The following IDE variants were observed in gnomAD, a reference collection of about 807,000 sequenced individuals.
The protein encoded by IDE is insulin-degrading enzyme.
Under a neutral mutation model 133.2 loss-of-function variants are expected in IDE, and 58 were observed. The observed-to-expected ratio is 0.44, with a 90% CI of 0.35 to 0.54. The LOEUF is 0.54. IDE is among the 20% of genes least tolerant of loss of function. The pLI is 0.00. For synonymous variants in IDE, 396 were observed against 421.3 expected (o/e 0.94, Z 0.73); for missense variants, 981 against 1,234.0 (o/e 0.79, Z 3.07).
chr10:92,517,631 G>A (rs1848998681), intron 4 of IDE, among the ~76,000 whole-genome samples: 3 of 151,982 alleles, frequency 2.0e-5, no homozygotes, highest in Admixed American at 6.6e-5. Flanking sequence ...ACCCAGGTTG[G>A]TTCCAGGTTC....
At chr10:92,564,923 A>C (rs1317945893) in intron 1 of IDE, among the ~76,000 whole-genome samples, 1 of 151,878 alleles carries the variant, frequency 6.6e-6, no homozygotes, top group Admixed American at 6.6e-5. Context: ...ATAACAAAGC[A>C]ACAGAAAATT....
chr10:92,466,821 T>C lies in IDE; in HGVS notation c.2321-978A>G, dbSNP rs1480718799. Among the ~76,000 whole-genome samples the C allele has an allele frequency of 7.9e-5, 12 of 152,006 alleles. No homozygotes were observed. The East Asian group carries it at 1.9e-3, about 25-fold the overall frequency. On this transcript the variant is annotated intron_variant, in intron 19 of 24. Transcript: ENST00000265986. Reference sequence around the variant, plus strand: ...TTAGTAGAGACGGGGTTTCACCATGTTGGCCAGGCTGGTCTCAAACTCCTG... The same window carrying C: ...TTAGTAGAGACGGGGTTTCACCATGCTGGCCAGGCTGGTCTCAAACTCCTG...
chr10:92,459,781 C>G (rs1845261971), intron 22 of IDE, among the ~76,000 whole-genome samples: 1 of 144,448 alleles, frequency 6.9e-6, no homozygotes, highest in South Asian at 2.2e-4. Flanking sequence ...TGCTATCCTT[C>G]TTAGAATTTT....
chr10:92,495,324 G>A (rs10882070), intron 11 of IDE, among the ~76,000 whole-genome samples: 15,044 of 150,938 alleles, frequency 0.1, 867 homozygotes, highest in South Asian at 0.17. Flanking sequence ...GGATTCAAGC[G>A]ATTCTCCTGC....
intron 18 of IDE, among the ~76,000 whole-genome samples, chr10:92,470,034 G>GA (rs921189512): frequency 2.6e-5 from 4 of 152,114 alleles, no homozygotes; most frequent in African/African-American, 7.2e-5. Context: ...GCACAAGGTA[G>GA]AAAACAGCAG....
chr10:92,574,046 G>A lies in IDE; in HGVS notation c.-27C>T. The A allele has an allele frequency of 6.7e-7, 1 of 1,487,876 alleles. No homozygotes were observed. The highest frequency in any genetic ancestry group is 9.0e-7 in the Non-Finnish European group (1 of 1,115,218). 92.2% of individuals were successfully genotyped at this position (1,487,876 alleles called of 1,614,324 possible). A position where few individuals can be genotyped will look rare whatever the true frequency, so the allele number is the denominator to read the frequency against. ...AGCCAGCGCAGTCGCCGGGATCACC[G>A]CAAACGCTTCCTGCTTGCGCTTCGA... On this transcript the variant is annotated 5_prime_UTR_variant, in exon 1 of 25. Transcript: ENST00000265986.
chr10:92,541,258 G>A (rs1589510150), intron 1 of IDE: 1 of 458,252 alleles, frequency 2.2e-6, no homozygotes, highest in South Asian at 1.6e-5. Context: ...TTTACCTATA[G>A]CATATCTATA....
chr10:92,556,732 T>C (rs1399394567), intron 1 of IDE, among the ~76,000 whole-genome samples: 1 of 151,890 alleles, frequency 6.6e-6, no homozygotes, highest in Non-Finnish European at 1.5e-5. Context: ...CACTCCAGCC[T>C]GGGCAACAGA....
At chr10:92,518,329 T>C (rs1412130569) in intron 4 of IDE, among the ~76,000 whole-genome samples, 1 of 152,218 alleles carries the variant, frequency 6.6e-6, no homozygotes, top group Non-Finnish European at 1.5e-5. Flanking sequence ...TTTACTTCTC[T>C]GTGGCTCAAT....
At chr10:92,552,058 G>A (rs2421943) in intron 1 of IDE, among the ~76,000 whole-genome samples, 56,926 of 151,996 alleles carry the variant, frequency 0.37, 12,001 homozygotes, top group East Asian at 0.67. Context: ...GGGGGGTGGG[G>A]TGAGAAACAA....
chr10:92,490,577 T>C lies in IDE; in HGVS notation c.1449A>G (p.Lys483=). The part of the protein sequence containing the change: ...PENVRVAIVS[K]SFEGKTDRTE... Reference sequence around the variant, plus strand: ...TGCGATCAGTTTTTCCTTCAAAAGATTTAGAAACTATGGCAACCCTAGAGA... The same window carrying C: ...TGCGATCAGTTTTTCCTTCAAAAGACTTAGAAACTATGGCAACCCTAGAGA... Residue 483 remains lysine (K), a synonymous_variant, in exon 12 of 25, where the codon AAA becomes AAG. Transcript: ENST00000265986. 1.2e-6 allele frequency: 2 copies of C among 1,609,586 alleles called. No homozygotes were observed. Among genetic ancestry groups the C allele is most frequent in the Non-Finnish European group, 1.7e-6 (2 of 1,176,042 alleles).
chr10:92,569,031 C>T (rs1422518842), intron 1 of IDE, among the ~76,000 whole-genome samples: 1 of 151,938 alleles, frequency 6.6e-6, no homozygotes, highest in Non-Finnish European at 1.5e-5. Flanking sequence ...AATATATAAA[C>T]ATCAAATAGA....
intron 4 of IDE, among the ~76,000 whole-genome samples, chr10:92,530,418 T>C (rs1849862636): frequency 6.6e-6 from 1 of 151,892 alleles, no homozygotes. Flanking sequence ...CCCAGGTAGC[T>C]TGGACTACAG....
intron 16 of IDE, among the ~76,000 whole-genome samples, 170 bp from the exon 17 acceptor site, chr10:92,475,131 T>G (rs537836952): frequency 4.6e-5 from 7 of 152,346 alleles, no homozygotes; most frequent in African/African-American, 1.7e-4. Flanking sequence ...CTCTCCGATC[T>G]TTACATAAAA....
chr10:92,547,249 AT>A (rs66967152), intron 1 of IDE, among the ~76,000 whole-genome samples: 112,989 of 145,680 alleles, frequency 0.78, 43,699 homozygotes, highest in East Asian at 0.91. Flanking sequence ...AATTTTTTGT[AT>A]TTTTTTTTTT....
chr10:92,518,726 G>A (rs1849055991), intron 4 of IDE, among the ~76,000 whole-genome samples: 1 of 152,042 alleles, frequency 6.6e-6, no homozygotes, highest in Non-Finnish European at 1.5e-5. Context: ...AATTATCAGA[G>A]GAATACTCAT....
intron 1 of IDE, chr10:92,554,750 G>A (rs1358349886): frequency 6.6e-6 from 1 of 152,270 alleles, no homozygotes; most frequent in Non-Finnish European, 1.5e-5. Context: ...GGGAGGCTGA[G>A]GCAGAAGAAT....
At chr10:92,505,867 G>C (rs1467141339) in intron 10 of IDE, among the ~76,000 whole-genome samples, 3 of 152,180 alleles carry the variant, frequency 2.0e-5, no homozygotes, top group South Asian at 4.1e-4. Flanking sequence ...CTGGACAGTG[G>C]TATAGAAGAT....
chr10:92,522,111 A>G (rs1191644886), intron 4 of IDE, among the ~76,000 whole-genome samples: 9 of 152,144 alleles, frequency 5.9e-5, no homozygotes, highest in Non-Finnish European at 1.5e-5. Flanking sequence ...GTGGGAGGGA[A>G]GAGAGAAAAA....
Sources: gnomAD v4.1 joint callset for allele counts (sites outside exome capture counted in the v4.1 genomes callset) on GRCh38, gnomAD v4.1.1 for gene constraint, MANE v1.5 for transcripts, NCBI Gene and HGNC (gene_info 2026-07-23, HGNC 2026-07-21) for gene names.